Variants in RUNDC3B observed in about 807,000 individuals in gnomAD.
RUNDC3B encodes the protein RUN domain containing 3B.
In RUNDC3B, 33 loss-of-function variants were observed where a neutral mutation model predicts 58.4. The ratio of observed to expected loss-of-function variants is 0.56; its 90% CI spans 0.43 to 0.75. RUNDC3B has a LOEUF of 0.75. RUNDC3B is among the 30% of genes least tolerant of loss of function. The probability of loss-of-function intolerance (pLI) is 0.00; values close to 1 mark genes in which losing one functional copy is unlikely to be tolerated. For synonymous variants in RUNDC3B, 193 were observed against 195.2 expected (o/e 0.99, Z 0.10); for missense variants, 501 against 535.7 (o/e 0.94, Z 0.64).
chr7:87,750,518 C>T (rs1347354717), intron 6 of RUNDC3B, among the ~76,000 whole-genome samples: 1 of 152,158 alleles, frequency 6.6e-6, no homozygotes, highest in South Asian at 2.1e-4. Context: ...GTTCCTATTT[C>T]TCCACATCCT....
intron 6 of RUNDC3B, among the ~76,000 whole-genome samples, chr7:87,759,707 G>A (rs1833570727): frequency 6.6e-6 from 1 of 150,392 alleles, no homozygotes; most frequent in Non-Finnish European, 1.5e-5. Flanking sequence ...CTAAGGGGAG[G>A]GGATTGCTTA....
At chr7:87,829,394 TTTTA>T (rs1434661923) in intron 10 of RUNDC3B, among the ~76,000 whole-genome samples, 12 of 152,066 alleles carry the variant, frequency 7.9e-5, no homozygotes, top group Non-Finnish European at 8.8e-5. Flanking sequence ...TTTCCTTATG[TTTTA>T]TTTTTCTGCA....
intron 9 of RUNDC3B, among the ~76,000 whole-genome samples, chr7:87,813,705 C>A (rs918259531): frequency 2.0e-5 from 3 of 152,060 alleles, no homozygotes; most frequent in Admixed American, 6.5e-5. Context: ...TTTGGCCGGG[C>A]GCAGTGGCTC....
At chr7:87,722,701 C>A (rs372895257) in intron 4 of RUNDC3B, among the ~76,000 whole-genome samples, 4 of 152,180 alleles carry the variant, frequency 2.6e-5, no homozygotes, top group East Asian at 3.8e-4. Context: ...CCTTCAGCAG[C>A]TCAGCACTAC....
At chr7:87,719,680 A>G (rs74491457) in intron 4 of RUNDC3B, among the ~76,000 whole-genome samples, 17,156 of 151,756 alleles carry the variant, frequency 0.11, 1,244 homozygotes, top group Admixed American at 0.21. Flanking sequence ...TAAAAAATAA[A>G]CTTTAGTTTA....
intron 6 of RUNDC3B, among the ~76,000 whole-genome samples, chr7:87,766,713 T>C (rs1247461186): frequency 6.6e-6 from 1 of 152,256 alleles, no homozygotes; most frequent in East Asian, 1.9e-4. Flanking sequence ...CTGATGATCA[T>C]ATGCCTTGGT....
intron 1 of RUNDC3B, among the ~76,000 whole-genome samples, chr7:87,634,277 GA>G (rs1296757688): frequency 1.3e-5 from 2 of 152,092 alleles, no homozygotes. Context: ...CATGTCATTT[GA>G]TGGGGGCAGA....
At chr7:87,763,541 T>C (rs1221743992) in intron 6 of RUNDC3B, among the ~76,000 whole-genome samples, 2 of 151,762 alleles carry the variant, frequency 1.3e-5, no homozygotes, top group African/African-American at 4.8e-5. Context: ...TGTCCTTGTA[T>C]GACAGGGGTT....
At chr7:87,755,977 A>G (rs1156541044) in intron 6 of RUNDC3B, among the ~76,000 whole-genome samples, 1 of 152,140 alleles carries the variant, frequency 6.6e-6, no homozygotes, top group Non-Finnish European at 1.5e-5. Flanking sequence ...TCCTGTAAGA[A>G]TGGAATTGGA....
rs575354446 is a variant in RUNDC3B, at chr7:87,700,001, G to GT, written c.239-411dup. On this transcript the variant is annotated intron_variant, in intron 2 of 10. Coordinates refer to ENST00000394654, the MANE Select transcript of RUNDC3B (RefSeq NM_001134405.2). Reference sequence around the variant, plus strand: ...AGGAGAAAAGAATTATGGTGGTGGGGTTTTTTTTTCTGTTTTTTTAAATAG... The same window carrying GT: ...AGGAGAAAAGAATTATGGTGGTGGGGTTTTTTTTTTCTGTTTTTTTAAATAG... Among the ~76,000 whole-genome samples, 655 of 150,502 alleles carry GT rather than the reference G, an allele frequency of 4.4e-3. 5 individuals are homozygous for GT. The highest frequency in any genetic ancestry group is 6.1e-3 in the Admixed American group (92 of 15,096).
intron 10 of RUNDC3B, 84 bp downstream of exon 10, chr7:87,816,346 A>T (rs1837031074): frequency 1.0e-6 from 1 of 994,526 alleles, no homozygotes; most frequent in Non-Finnish European, 1.5e-6. Flanking sequence ...AGAGAATAAT[A>T]GTGACATCTC....
chr7:87,653,744 C>T (rs1351530072), intron 2 of RUNDC3B, among the ~76,000 whole-genome samples: 1 of 151,804 alleles, frequency 6.6e-6, no homozygotes, highest in Non-Finnish European at 1.5e-5. Context: ...TTTTCTTTCT[C>T]CCAGGTAAGG....
At chr7:87,828,113 G>T (rs1223681052) in intron 10 of RUNDC3B, among the ~76,000 whole-genome samples, 1 of 152,102 alleles carries the variant, frequency 6.6e-6, no homozygotes, top group Non-Finnish European at 1.5e-5. Context: ...CTCCACCTGG[G>T]TATAAACCCA....
chr7:87,769,029 G>A (rs1048522364), intron 6 of RUNDC3B, among the ~76,000 whole-genome samples: 5 of 151,774 alleles, frequency 3.3e-5, no homozygotes, highest in African/African-American at 9.7e-5. Flanking sequence ...TTGAGACGGA[G>A]TCTCTCTGTC....
At chr7:87,717,080 A>G (rs769073797) in intron 4 of RUNDC3B, among the ~76,000 whole-genome samples, 4 of 152,168 alleles carry the variant, frequency 2.6e-5, no homozygotes, top group Non-Finnish European at 5.9e-5. Context: ...TCCAGGTGTG[A>G]GCCACTGTGC....
chr7:87,778,073 C>G, intron 8 of RUNDC3B, 118 bp downstream of exon 8: 3 of 800,652 alleles, frequency 3.7e-6, no homozygotes, highest in Non-Finnish European at 5.8e-6. Flanking sequence ...TTCTTTTTCA[C>G]CTACACTTTT....
chr7:87,775,789 A>T (rs1329014768), intron 7 of RUNDC3B, among the ~76,000 whole-genome samples: 2 of 152,166 alleles, frequency 1.3e-5, no homozygotes, highest in South Asian at 2.1e-4. Context: ...CATGCTGTAC[A>T]GGTTTGTAGC....
chr7:87,741,540 C>T lies in RUNDC3B; in HGVS notation c.590C>T (p.Ala197Val). 1 of 1,587,660 alleles carries T rather than the reference C, an allele frequency of 6.3e-7. No homozygotes were observed. Among genetic ancestry groups the T allele is most frequent in the South Asian group, 1.1e-5 (1 of 88,878 alleles). Residue 197 changes from alanine to valine, a missense_variant, in exon 6 of 11, where the codon GCT becomes GTT. Physicochemically the swap from Ala to Val is moderately conservative, Grantham distance 64. Transcript: ENST00000394654. ...GAGGGGCTGGATGGCAGTTTTCCTG[C>T]TGTAATAGACTATACACCATATTTG... ...KGEGLDGSFP[A>V]VIDYTPYLKY...
At chr7:87,639,121 TC>T (rs1822166698) in intron 1 of RUNDC3B, among the ~76,000 whole-genome samples, 1 of 118,990 alleles carries the variant, frequency 8.4e-6, no homozygotes, top group Non-Finnish European at 1.6e-5. Context: ...ACCACTGCAC[TC>T]CAGCCTGGGC....
Sources: gnomAD v4.1 joint callset for allele counts (sites outside exome capture counted in the v4.1 genomes callset) on GRCh38, gnomAD v4.1.1 for gene constraint, MANE v1.5 for transcripts, NCBI Gene and HGNC (gene_info 2026-07-23, HGNC 2026-07-21) for gene names.